Variants in EXOC4 observed in about 807,000 individuals in gnomAD.
The protein encoded by EXOC4 is exocyst complex component 4.
EXOC4 carries 71 observed loss-of-function variants against 107.2 expected under a neutral mutation model. The ratio of observed to expected loss-of-function variants is 0.66; its 90% CI spans 0.55 to 0.81. The LOEUF is 0.81. Ranked by LOEUF, EXOC4 falls within the 30% of genes least tolerant of loss-of-function variation. The pLI is 0.00. For synonymous variants in EXOC4, 456 were observed against 441.2 expected, an observed-to-expected ratio of 1.03 and a Z score of -0.42; for missense variants, 1,108 against 1,189.6, an observed-to-expected ratio of 0.93 and a Z score of 1.01.
chr7:133,445,526 C>G (rs1240999707), intron 7 of EXOC4, among the ~76,000 whole-genome samples: 1 of 152,062 alleles, frequency 6.6e-6, no homozygotes, highest in Non-Finnish European at 1.5e-5. Context: ...CAGCCTTGGC[C>G]CCATGTTAGA....
chr7:133,414,386 T>A (rs1238510949), intron 7 of EXOC4, among the ~76,000 whole-genome samples: 1 of 152,142 alleles, frequency 6.6e-6, no homozygotes, highest in Non-Finnish European at 1.5e-5. Flanking sequence ...ATTACTACAA[T>A]CTTTTAAGCA....
chr7:133,579,341 T>C (rs1801199745), intron 9 of EXOC4, among the ~76,000 whole-genome samples: 1 of 152,192 alleles, frequency 6.6e-6, no homozygotes, highest in South Asian at 2.1e-4. Context: ...ATCATTTCTT[T>C]TGATAAGAAA....
intron 16 of EXOC4, among the ~76,000 whole-genome samples, chr7:134,006,309 A>G (rs1348158265): frequency 6.6e-6 from 1 of 152,126 alleles, no homozygotes; most frequent in Non-Finnish European, 1.5e-5. Flanking sequence ...ACAAACAAAC[A>G]AACAAACAAA....
intron 13 of EXOC4, among the ~76,000 whole-genome samples, chr7:133,933,599 G>A (rs1229444171): frequency 2.0e-5 from 3 of 152,162 alleles, no homozygotes; most frequent in African/African-American, 7.2e-5. Context: ...AAGATGAAGG[G>A]TACATAAAAA....
At chr7:133,761,777 C>T (rs1410986840) in intron 10 of EXOC4, among the ~76,000 whole-genome samples, 2 of 152,182 alleles carry the variant, frequency 1.3e-5, no homozygotes, top group Non-Finnish European at 2.9e-5. Context: ...AACCATGTCC[C>T]TGTGCAGTTT....
At chr7:134,030,825 A>G (rs1256185270) in intron 17 of EXOC4, among the ~76,000 whole-genome samples, 1 of 151,794 alleles carries the variant, frequency 6.6e-6, no homozygotes, top group South Asian at 2.1e-4. Flanking sequence ...CAGGCTCCCA[A>G]TAAGAGAATT....
chr7:133,849,552 T>TG (rs1798200442), intron 11 of EXOC4, among the ~76,000 whole-genome samples: 1 of 152,240 alleles, frequency 6.6e-6, no homozygotes, highest in Non-Finnish European at 1.5e-5. Flanking sequence ...TAGGTTTTAA[T>TG]GATGGCTGTG....
At chr7:134,059,342 C>G (rs2116620301) in intron 17 of EXOC4, among the ~76,000 whole-genome samples, 1 of 152,256 alleles carries the variant, frequency 6.6e-6, no homozygotes, top group East Asian at 1.9e-4. Context: ...AGAAAACTCC[C>G]TGGCCTCTTG....
At chr7:133,619,143 T>A (rs940668281) in intron 9 of EXOC4, among the ~76,000 whole-genome samples, 1 of 152,204 alleles carries the variant, frequency 6.6e-6, no homozygotes, top group Non-Finnish European at 1.5e-5. Flanking sequence ...CATGAAATAA[T>A]GCTGTTTCTG....
At chr7:133,650,937 G>GTTTGTT (rs1803130488) in intron 10 of EXOC4, among the ~76,000 whole-genome samples, 1 of 88,694 alleles carries the variant, frequency 1.1e-5, no homozygotes, top group African/African-American at 4.5e-5. Context: ...AGATTGGTCA[G>GTTTGTT]TTTTTTTTTT....
intron 3 of EXOC4, among the ~76,000 whole-genome samples, chr7:133,300,035 A>G (rs535705190): frequency 6.6e-6 from 1 of 152,270 alleles, no homozygotes; most frequent in African/African-American, 2.4e-5. Flanking sequence ...AGGGAGGTAG[A>G]CAACATCCTT....
intron 17 of EXOC4, among the ~76,000 whole-genome samples, chr7:134,021,790 A>C (rs1056074150): frequency 1.3e-5 from 2 of 151,034 alleles, no homozygotes; most frequent in Non-Finnish European, 2.9e-5. Flanking sequence ...CTTTCTCTTG[A>C]CACACACGGT....
chr7:133,718,989 ATGTGAGATGGTTTGGC>A (rs1258510581), intron 10 of EXOC4, among the ~76,000 whole-genome samples: 1 of 152,086 alleles, frequency 6.6e-6, no homozygotes, highest in East Asian at 1.9e-4. Context: ...ACGTCGAACC[ATGTGAGATGGTTTGGC>A]TGTGTCCCCA....
At chr7:133,332,684 G>A (rs745854878) in intron 5 of EXOC4, among the ~76,000 whole-genome samples, 1 of 152,136 alleles carries the variant, frequency 6.6e-6, no homozygotes, top group Non-Finnish European at 1.5e-5. Context: ...TGCAGTTAAG[G>A]CAGTGTTGTC....
intron 10 of EXOC4, among the ~76,000 whole-genome samples, chr7:133,815,810 G>A (rs1469682327): frequency 6.6e-6 from 1 of 152,150 alleles, no homozygotes; most frequent in Non-Finnish European, 1.5e-5. Context: ...CCTCTCCAAT[G>A]GCAGCAGTGT....
At position 134,021,356 on chromosome 7, in the gene EXOC4, G is replaced by A. The variant is rs922686444; in HGVS notation, c.2687+13521G>A. On this transcript the variant is annotated intron_variant, in intron 17 of 17. Transcript: ENST00000253861. ...TGCTTAAAGCATTTGCTCACCACACGTACAGGAGAGTAAAACAGATCTAGA... is the reference window on the plus strand; with the variant it reads ...TGCTTAAAGCATTTGCTCACCACACATACAGGAGAGTAAAACAGATCTAGA... Among the ~76,000 whole-genome samples the A allele has an allele frequency of 2.6e-5, 4 of 152,150 alleles. No homozygotes were observed. In the South Asian group the frequency reaches 6.2e-4, roughly 24 times the overall value.
At chr7:133,277,944 A>G (rs1349410867) in intron 2 of EXOC4, among the ~76,000 whole-genome samples, 2 of 152,220 alleles carry the variant, frequency 1.3e-5, no homozygotes, top group Non-Finnish European at 2.9e-5. Flanking sequence ...AAGTGAAAAC[A>G]TGGATGATTC....
rs1382558841 is a variant in EXOC4, at chr7:133,388,187, A to AT, written c.1182+13187dup. 1.2e-4 allele frequency among the ~76,000 whole-genome samples: 19 copies of AT among 152,226 alleles called. No individual in the cohort carries two copies. In the East Asian group the frequency reaches 3.3e-3, roughly 26 times the overall value. Reference sequence around the variant, plus strand: ...CAGTAGAATGGTTCCCCATGTATTCATTATCCAGTTTGATCAGTTTCAGCA... The same window carrying AT: ...CAGTAGAATGGTTCCCCATGTATTCATTTATCCAGTTTGATCAGTTTCAGCA... On this transcript the variant is annotated intron_variant, in intron 7 of 17. Transcript: ENST00000253861.
chr7:133,280,411 T>C (rs113514130), intron 2 of EXOC4, among the ~76,000 whole-genome samples: 1,548 of 151,900 alleles, frequency 0.01, 35 homozygotes, highest in African/African-American at 0.036. Context: ...AATTGGGGAG[T>C]TGGGCCAAAT....
Sources: allele counts gnomAD v4.1 joint callset (sites outside exome capture counted in the v4.1 genomes callset), GRCh38; gene constraint gnomAD v4.1.1; transcripts MANE v1.5; gene names NCBI Gene and HGNC (gene_info 2026-07-23, HGNC 2026-07-21).